UBR3: variants seen among roughly 807,000 people sequenced by gnomAD.
UBR3 encodes the protein E3 ubiquitin-protein ligase UBR3.
UBR3 carries 85 observed loss-of-function variants against 243.2 expected under a neutral mutation model. The observed-to-expected ratio is 0.35, with a 90% CI of 0.29 to 0.42. The LOEUF (loss-of-function observed/expected upper bound fraction) is 0.42, where lower values mean the gene tolerates loss of function less well. Ranked by LOEUF, UBR3 falls within the 10% of genes least tolerant of loss-of-function variation. The probability of loss-of-function intolerance (pLI) is 1.00; values close to 1 mark genes in which losing one functional copy is unlikely to be tolerated. For missense variants in UBR3, 1,686 were observed against 2,300.8 expected, an observed-to-expected ratio of 0.73 and a Z score of 5.47; for synonymous variants, 748 against 799.8, an observed-to-expected ratio of 0.94 and a Z score of 1.09.
At chr2:169,963,782 G>A (rs2087685689) in intron 24 of UBR3, among the ~76,000 whole-genome samples, 1 of 152,086 alleles carries the variant, frequency 6.6e-6, no homozygotes, top group African/African-American at 2.4e-5. Context: ...CCAAAATGAG[G>A]TTTTACAATG....
intron 33 of UBR3, among the ~76,000 whole-genome samples, chr2:170,059,848 C>A (rs1177970151): frequency 6.6e-6 from 1 of 152,154 alleles, no homozygotes; most frequent in African/African-American, 2.4e-5. Context: ...AGGTCCAATA[C>A]TCCAAAACTT....
chr2:169,978,481 C>T (rs2088569922), intron 24 of UBR3, among the ~76,000 whole-genome samples: 1 of 152,016 alleles, frequency 6.6e-6, no homozygotes, highest in South Asian at 2.1e-4. Context: ...CATCTTGCCT[C>T]TGGGGAAGAA....
chr2:170,005,671 A>G (rs1285139328), intron 27 of UBR3, among the ~76,000 whole-genome samples: 2 of 152,154 alleles, frequency 1.3e-5, no homozygotes, highest in Non-Finnish European at 2.9e-5. Flanking sequence ...GGATGTTGTT[A>G]TGGTAACAGG....
intron 35 of UBR3, among the ~76,000 whole-genome samples, chr2:170,070,811 ATATAT>A (rs369787619): frequency 2.0e-5 from 3 of 152,182 alleles, no homozygotes; most frequent in African/African-American, 4.8e-5. Context: ...ACTGAATTGT[ATATAT>A]TAAAAGAGTA....
chr2:170,022,584 C>T (rs1035786108), intron 30 of UBR3, among the ~76,000 whole-genome samples: 1 of 152,032 alleles, frequency 6.6e-6, no homozygotes, highest in Non-Finnish European at 1.5e-5. Context: ...AACTTTTTAC[C>T]TCATTGTGGA....
chr2:170,030,391 A>G (rs949473060), intron 31 of UBR3, among the ~76,000 whole-genome samples: 1 of 152,130 alleles, frequency 6.6e-6, no homozygotes, highest in Non-Finnish European at 1.5e-5. Context: ...CATTGTTTAT[A>G]GGCCATTTCA....
Position 170,082,936 on chromosome 2 carries a change from G to C in UBR3, c.*1093G>C, listed in dbSNP as rs1192829013. On this transcript the variant is annotated 3_prime_UTR_variant, in exon 39 of 39. Transcript: ENST00000272793. The stretch of plus-strand genomic sequence containing the variant: ...CTGCTGTGAAAAACAATTTATGTTT[G>C]CAGGGTTTAAAAATCAGTAAAAATG... The C allele has an allele frequency of 1.3e-5, 2 of 152,560 alleles. No individual in the cohort carries two copies. Among genetic ancestry groups the C allele is most frequent in the East Asian group, 3.8e-4 (2 of 5,204 alleles). The allele number at this position is 152,560 out of a possible 1,614,324, so 9.5% of individuals were successfully genotyped here. A position where few individuals can be genotyped will look rare whatever the true frequency, so the allele number is the denominator to read the frequency against.
chr2:169,960,079 GTC>G (rs2087495029), intron 24 of UBR3, among the ~76,000 whole-genome samples: 1 of 151,614 alleles, frequency 6.6e-6, no homozygotes, highest in South Asian at 2.1e-4. Context: ...GGTGAAACCC[GTC>G]TCTACTAAAA....
At chr2:169,864,974 T>C (rs1381913453) in intron 1 of UBR3, among the ~76,000 whole-genome samples, 1 of 150,296 alleles carries the variant, frequency 6.7e-6, no homozygotes, top group Non-Finnish European at 1.5e-5. Context: ...TAATCCCAGC[T>C]ACTCTGGAGA....
chr2:169,990,962 G>T (rs1181629203), intron 25 of UBR3, among the ~76,000 whole-genome samples: 1 of 152,038 alleles, frequency 6.6e-6, no homozygotes, highest in Non-Finnish European at 1.5e-5. Context: ...AAAATGTGAT[G>T]CTACAAGAGA....
intron 19 of UBR3, among the ~76,000 whole-genome samples, chr2:169,941,747 A>C (rs1172001131): frequency 6.6e-6 from 1 of 152,244 alleles, no homozygotes; most frequent in African/African-American, 2.4e-5. Flanking sequence ...TCAGGCATCT[A>C]CTGGGGGCTT....
chr2:170,034,865 T>G (rs1484286148), intron 31 of UBR3, among the ~76,000 whole-genome samples: 1 of 151,994 alleles, frequency 6.6e-6, no homozygotes, highest in Admixed American at 6.6e-5. Context: ...TTTTGGCCAT[T>G]CTAATAGGAA....
At chr2:169,992,551 C>G (rs1411133179) in intron 25 of UBR3, among the ~76,000 whole-genome samples, 1 of 152,136 alleles carries the variant, frequency 6.6e-6, no homozygotes, top group Non-Finnish European at 1.5e-5. Context: ...GATTATGCAT[C>G]ATGGTAATTA....
intron 1 of UBR3, among the ~76,000 whole-genome samples, chr2:169,857,216 A>T (rs1051429826): frequency 6.6e-6 from 1 of 151,126 alleles, no homozygotes; most frequent in Non-Finnish European, 1.5e-5. Context: ...TGGGACTTAC[A>T]GGCACGTGTC....
intron 24 of UBR3, among the ~76,000 whole-genome samples, chr2:169,963,788 C>T (rs540470023): frequency 1.3e-5 from 2 of 152,200 alleles, no homozygotes; most frequent in South Asian, 2.1e-4. Context: ...TGAGGTTTTA[C>T]AATGCTATTT....
At chr2:170,026,617 C>G (rs2090536679) in intron 30 of UBR3, among the ~76,000 whole-genome samples, 1 of 152,092 alleles carries the variant, frequency 6.6e-6, no homozygotes, top group African/African-American at 2.4e-5. Context: ...AGATTGAAAT[C>G]ACAGCACGCT....
chr2:169,956,879 A>G (rs1169734039), intron 23 of UBR3, among the ~76,000 whole-genome samples: 1 of 152,118 alleles, frequency 6.6e-6, no homozygotes, highest in Non-Finnish European at 1.5e-5. Context: ...ATAGACTCTC[A>G]GTTTAACATA....
chr2:169,870,325 C>T (rs987947064), intron 1 of UBR3, among the ~76,000 whole-genome samples: 2 of 152,184 alleles, frequency 1.3e-5, no homozygotes, highest in African/African-American at 4.8e-5. Flanking sequence ...GACTGGGTCT[C>T]GCTATGTCAC....
At chr2:170,014,298 A>G (rs2090170289) in intron 29 of UBR3, 1 of 152,878 alleles carries the variant, frequency 6.5e-6, no homozygotes, top group Non-Finnish European at 1.5e-5. Context: ...ATAAAATAGG[A>G]TAATAGTCTT....
Sources: allele counts gnomAD v4.1 joint callset (sites outside exome capture counted in the v4.1 genomes callset), GRCh38; gene constraint gnomAD v4.1.1; transcripts MANE v1.5; gene names NCBI Gene and HGNC (gene_info 2026-07-23, HGNC 2026-07-21).